The following MKX variants were observed in gnomAD, a reference collection of about 807,000 sequenced individuals.
The protein encoded by MKX is mohawk homeobox.
In MKX, 13 loss-of-function variants were observed where a neutral mutation model predicts 36.0. The observed-to-expected ratio is 0.36, with a 90% confidence interval of 0.24 to 0.57. MKX has a LOEUF of 0.57. Ranked by LOEUF, MKX falls within the 20% of genes least tolerant of loss-of-function variation. MKX has a pLI of 0.79. For missense variants in MKX, 458 were observed against 456.4 expected (o/e 1.00, Z -0.03); for synonymous variants, 176 against 178.3 (o/e 0.99, Z 0.10).
chr10:27,694,449 G>C (rs1181901981), intron 5 of MKX, among the ~76,000 whole-genome samples: 1 of 150,350 alleles, frequency 6.7e-6, no homozygotes, highest in East Asian at 1.9e-4. Context: ...GGGAGGCTGA[G>C]GCAGGCGGAT....
intron 5 of MKX, among the ~76,000 whole-genome samples, chr10:27,702,263 AAG>A (rs972121002): frequency 6.6e-6 from 1 of 152,178 alleles, no homozygotes; most frequent in African/African-American, 2.4e-5. Flanking sequence ...ACGAGGTCCT[AAG>A]AGAGAGAGCT....
chr10:27,734,423 T>A, intron 5 of MKX, 33 bp downstream of exon 5: 6 of 1,569,674 alleles, frequency 3.8e-6, no homozygotes, highest in Non-Finnish European at 5.2e-6. Context: ...TAAACAGGTA[T>A]CGCAGGAATT....
chr10:27,677,647 T>G (rs1836178374), intron 5 of MKX, among the ~76,000 whole-genome samples: 1 of 152,130 alleles, frequency 6.6e-6, no homozygotes, highest in Non-Finnish European at 1.5e-5. Flanking sequence ...TGAGCTCTTT[T>G]CACAACCCTT....
At chr10:27,690,926 A>G (rs1836442893) in intron 5 of MKX, among the ~76,000 whole-genome samples, 3 of 152,108 alleles carry the variant, frequency 2.0e-5, no homozygotes, top group Admixed American at 2.0e-4. Flanking sequence ...TGTTCTCATG[A>G]TAGTGAGGGA....
At position 27,679,578 on chromosome 10, in the gene MKX, G is replaced by A. The variant is rs183571575; in HGVS notation, c.839-4024C>T. ...TTCTGGTTCCCAGAATAGCCAACCC[G>A]GCAAAAGGAAGACAGCAAACAGAGC... On this transcript the variant is annotated intron_variant, in intron 5 of 6. Coordinates refer to ENST00000419761, the MANE Select transcript of MKX (RefSeq NM_173576.3). 3.4e-3 allele frequency among the ~76,000 whole-genome samples: 522 copies of A among 152,294 alleles called. 1 individual carries two copies. Among genetic ancestry groups the A allele is most frequent in the Non-Finnish European group, 5.8e-3 (394 of 68,020 alleles).
At chr10:27,739,866 A>AC (rs1174833579) in intron 3 of MKX, among the ~76,000 whole-genome samples, 1 of 152,204 alleles carries the variant, frequency 6.6e-6, no homozygotes, top group Non-Finnish European at 1.5e-5. Flanking sequence ...ACTTATTTAA[A>AC]CTGAAATTTT....
At chr10:27,729,199 A>C (rs1407706374) in intron 5 of MKX, among the ~76,000 whole-genome samples, 1 of 152,246 alleles carries the variant, frequency 6.6e-6, no homozygotes, top group African/African-American at 2.4e-5. Context: ...AATGAAGTTT[A>C]AACATTCAAA....
In MKX at chr10:27,744,172, C is replaced by T. The variant is rs1834992480; in HGVS notation, c.-82-675G>A. On this transcript the variant is annotated intron_variant, in intron 1 of 6. Transcript: ENST00000419761. This position sits in a 1 kb window ranked among gnomAD's most constrained non-coding sequence, Gnocchi z 5.6. ...CAGGACGAAAGCACCACTTCTCCCC[C>T]TTCTCTCCCAGAATCTTCCTATCAT... Among the ~76,000 whole-genome samples the T allele has an allele frequency of 6.6e-6, 1 of 152,116 alleles. No homozygotes were observed. The highest frequency in any genetic ancestry group is 6.5e-5 in the Admixed American group (1 of 15,274).
At chr10:27,726,925 A>T (rs141938189) in intron 5 of MKX, among the ~76,000 whole-genome samples, 17 of 152,302 alleles carry the variant, frequency 1.1e-4, no homozygotes, top group African/African-American at 4.1e-4. Context: ...TAGAGTAAAT[A>T]CGTGAAAGAC....
chr10:27,709,240 A>G (rs147826752), intron 5 of MKX, among the ~76,000 whole-genome samples: 2 of 152,330 alleles, frequency 1.3e-5, no homozygotes, highest in East Asian at 3.9e-4. Context: ...TTATAATACA[A>G]AAAAATACAA....
At chr10:27,679,220 T>C (rs1395524084) in intron 5 of MKX, among the ~76,000 whole-genome samples, 2 of 152,158 alleles carry the variant, frequency 1.3e-5, no homozygotes, top group African/African-American at 4.8e-5. Context: ...TGTATACCTA[T>C]GTAACAAACC....
At position 27,741,612 on chromosome 10, in the gene MKX, C is replaced by A. The variant is rs1834899548; in HGVS notation, c.189-108G>T. The A allele has an allele frequency of 1.6e-6, 2 of 1,284,936 alleles. No homozygotes were observed. Among genetic ancestry groups the A allele is most frequent in the East Asian group, 5.1e-5 (2 of 38,982 alleles). 79.6% of individuals were successfully genotyped at this position (1,284,936 alleles called of 1,614,324 possible). A position where few individuals can be genotyped will look rare whatever the true frequency, so the allele number is the denominator to read the frequency against. On this transcript the variant is annotated intron_variant, in intron 2 of 6. Transcript: ENST00000419761. The surrounding 1 kb of genome is among the most constrained non-coding windows in gnomAD (Gnocchi z 5.1). ...CCCGCATCCAAACTGCGCATTCCTG[C>A]CTTGCGCCCCTGCTTTGCGCGCGCC... is the stretch of plus-strand genomic sequence containing the variant.
chr10:27,698,269 T>A (rs547279740), intron 5 of MKX, among the ~76,000 whole-genome samples: 3 of 152,224 alleles, frequency 2.0e-5, no homozygotes, highest in Admixed American at 6.5e-5. Context: ...GTGAACTCTA[T>A]CCTGACAGGC....
intron 5 of MKX, among the ~76,000 whole-genome samples, chr10:27,690,154 C>T (rs1195598125): frequency 9.9e-5 from 15 of 152,132 alleles, no homozygotes; most frequent in Non-Finnish European, 1.3e-4. Flanking sequence ...CAGCAGATCA[C>T]GAGGTCAGGA....
rs895419619 is a variant in MKX at position 27,742,924 on chromosome 10, G to A, written c.188+304C>T. On this transcript the variant is annotated intron_variant, in intron 2 of 6. Transcript: ENST00000419761. The surrounding 1 kb of genome is among the most constrained non-coding windows in gnomAD (Gnocchi z 4.2). ...AGCCGCGCACCGGCACCCACAGTCC[G>A]GAGAGGGGCAAATAACCCCCAACTC... Among the ~76,000 whole-genome samples the A allele has an allele frequency of 7.9e-5, 12 of 152,338 alleles. No individual in the cohort carries two copies. Among genetic ancestry groups the A allele is most frequent in the African/African-American group, 2.4e-4 (10 of 41,592 alleles).
chr10:27,741,567 C>T lies in MKX; in HGVS notation c.189-63G>A, dbSNP rs1676150144. 1.3e-6 allele frequency: 2 copies of T among 1,501,562 alleles called. No homozygotes were observed. The highest frequency in any genetic ancestry group is 1.8e-6 in the Non-Finnish European group (2 of 1,133,410). 93.0% of individuals were successfully genotyped at this position (1,501,562 alleles called of 1,614,324 possible). A position where few individuals can be genotyped will look rare whatever the true frequency, so the allele number is the denominator to read the frequency against. On this transcript the variant is annotated intron_variant, in intron 2 of 6. Transcript: ENST00000419761. This position sits in a 1 kb window ranked among gnomAD's most constrained non-coding sequence, Gnocchi z 5.1. The stretch of plus-strand genomic sequence containing the variant: ...CGCGTTTGCCCGCCCGGACGCTCCA[C>T]GCCCCGGCCAAGCCCGGGCCCCGCA...
chr10:27,743,100 T>C (rs1834946188), intron 2 of MKX, 128 bp downstream of exon 2: 2 of 880,290 alleles, frequency 2.3e-6, no homozygotes, highest in Non-Finnish European at 3.2e-6. Context: ...GGGGCAGACC[T>C]GCACTCCCAG....
chr10:27,704,914 T>C (rs1285933752), intron 5 of MKX, among the ~76,000 whole-genome samples: 1 of 152,194 alleles, frequency 6.6e-6, no homozygotes, highest in Admixed American at 6.5e-5. Context: ...CAATGATATA[T>C]AACTAATTTG....
chr10:27,693,151 A>G (rs1424300193), intron 5 of MKX, among the ~76,000 whole-genome samples: 1 of 152,184 alleles, frequency 6.6e-6, no homozygotes, highest in African/African-American at 2.4e-5. Flanking sequence ...ATGTCTAGGG[A>G]CAGAGCTTGA....
Sources: allele counts gnomAD v4.1 joint callset (sites outside exome capture counted in the v4.1 genomes callset), GRCh38; gene constraint gnomAD v4.1.1; non-coding constraint Gnocchi (gnomAD v3.1); transcripts MANE v1.5; gene names NCBI Gene and HGNC (gene_info 2026-07-23, HGNC 2026-07-21).